Variants in RNF114 observed in about 807,000 individuals in gnomAD.
The protein encoded by RNF114 is E3 ubiquitin-protein ligase RNF114.
In RNF114, 6 loss-of-function variants were observed where a neutral mutation model predicts 28.4. The ratio of observed to expected loss-of-function variants is 0.21; its 90% CI spans 0.12 to 0.42. The LOEUF (loss-of-function observed/expected upper bound fraction) is 0.42, where lower values mean the gene tolerates loss of function less well. Ranked by LOEUF, RNF114 falls within the 10% of genes least tolerant of loss-of-function variation. The probability of loss-of-function intolerance (pLI) is 1.00; values close to 1 mark genes in which losing one functional copy is unlikely to be tolerated. For missense variants in RNF114, 249 were observed against 311.7 expected (o/e 0.80, Z 1.51); for synonymous variants, 115 against 116.7 (o/e 0.99, Z 0.09).
intron 3 of RNF114, 58 bp downstream of exon 3, chr20:49,945,546 G>GTTTGACACC: frequency 1.0e-6 from 1 of 1,001,196 alleles, no homozygotes; most frequent in South Asian, 1.3e-5. Context: ...ATACAAAGAG[G>GTTTGACACC]TTGCATGCCC....
intron 4 of RNF114, 54 bp from the exon 5 acceptor site, chr20:49,949,194 G>A: frequency 4.2e-6 from 6 of 1,437,190 alleles, no homozygotes; most frequent in Non-Finnish European, 5.9e-6. Context: ...GGCCACAGAG[G>A]GCTGGTGCAA....
At chr20:49,947,775 T>G (rs1219141742) in intron 4 of RNF114, among the ~76,000 whole-genome samples, 1 of 21,798 alleles carries the variant, frequency 4.6e-5, no homozygotes, top group African/African-American at 2.3e-4. Flanking sequence ...GCAAGTTTTT[T>G]TTTTTTTTTT....
chr20:49,941,957 G>A (rs1036852551), intron 2 of RNF114: 1 of 461,790 alleles, frequency 2.2e-6, no homozygotes, highest in African/African-American at 2.1e-5. Context: ...AGTTATCCCA[G>A]TTTTTTCCTA....
At chr20:49,941,768 C>A in intron 2 of RNF114, 57 bp downstream of exon 2, 2 of 1,568,436 alleles carry the variant, frequency 1.3e-6, no homozygotes, top group Non-Finnish European at 8.7e-7. Flanking sequence ...TGGGGTAAAA[C>A]GTACAGCTGC....
At chr20:49,945,946 G>A (rs1263727716) in intron 3 of RNF114, among the ~76,000 whole-genome samples, 190 bp from the exon 4 acceptor site, 4 of 152,166 alleles carry the variant, frequency 2.6e-5, no homozygotes, top group South Asian at 2.1e-4. Flanking sequence ...GATTACAGGC[G>A]TAAACCACCA....
In RNF114 at chr20:49,941,789, C is replaced by T. The variant is rs377559786; in HGVS notation, c.291+78C>T. Reference sequence around the variant, plus strand: ...AAAACGTACAGCTGCCATGTTGTTGCTGAAGTTAGAGCATGACTAGGTCAC... The same window carrying T: ...AAAACGTACAGCTGCCATGTTGTTGTTGAAGTTAGAGCATGACTAGGTCAC... On this transcript the variant is annotated intron_variant, in intron 2 of 5. Transcript: ENST00000244061. 4.0e-6 allele frequency: 6 copies of T among 1,516,638 alleles called. No individual in the cohort carries two copies. The African/African-American group carries it at 4.1e-5, about 10-fold the overall frequency. 93.9% of individuals were successfully genotyped at this position (1,516,638 alleles called of 1,614,324 possible).
At position 49,936,530 on chromosome 20, in the gene RNF114, G is replaced by T; in HGVS notation, c.118G>T (p.Val40Leu). ...PVCLEVYEKPVQVPCGHVFCS... is the reference protein window; with the variant it reads ...PVCLEVYEKPLQVPCGHVFCS... ...GTGCTTAGAGGTGTACGAGAAGCCG[G>T]TACAGGTGCCCTGCGGACACGTGTA... Residue 40 changes from valine (V) to leucine (L), a missense_variant, in exon 1 of 6, where the codon GTA becomes TTA. This residue lies in a region of RNF114 where 123 missense variants were observed against 106.4 expected (regional missense o/e 1.16). Coordinates refer to ENST00000244061, the MANE Select transcript of RNF114 (RefSeq NM_018683.4). 1 of 1,588,980 alleles carries T rather than the reference G, an allele frequency of 6.3e-7. No homozygotes were observed. The highest frequency in any genetic ancestry group is 2.3e-5 in the East Asian group (1 of 42,960).
intron 4 of RNF114, among the ~76,000 whole-genome samples, chr20:49,947,274 TTCTC>T (rs1248898369): frequency 1.4e-5 from 2 of 138,692 alleles, no homozygotes; most frequent in East Asian, 2.4e-4. Context: ...TGTGTTACCT[TTCTC>T]TCTCAATGTG....
At chr20:49,941,500 C>G (rs1568918826) in intron 1 of RNF114, 61 bp from the exon 2 acceptor site, 1 of 1,491,814 alleles carries the variant, frequency 6.7e-7, no homozygotes, top group Non-Finnish European at 9.0e-7. Flanking sequence ...AAAAGTTGAT[C>G]CATATTTGTC....
At chr20:49,945,141 A>T in intron 2 of RNF114, 1 of 416,182 alleles carries the variant, frequency 2.4e-6, no homozygotes, top group Non-Finnish European at 4.5e-6. Context: ...GCAAACCTCT[A>T]GGAGAGTTAT....
chr20:49,943,651 CTTTTTTTTTT>C (rs60425763), intron 2 of RNF114, among the ~76,000 whole-genome samples: 5 of 72,122 alleles, frequency 6.9e-5, no homozygotes, highest in East Asian at 5.0e-4. Context: ...CTACTGTCTT[CTTTTTTTTTT>C]TTTTTTTTTT....
intron 1 of RNF114, among the ~76,000 whole-genome samples, chr20:49,940,432 A>G (rs1352381191): frequency 3.4e-5 from 5 of 147,548 alleles, no homozygotes; most frequent in Non-Finnish European, 7.4e-5. Context: ...TTTTTTTGAG[A>G]CGGAGTCTCG....
intron 2 of RNF114, among the ~76,000 whole-genome samples, chr20:49,943,651 C>CTTTTTTTTTTTTT (rs60425763): frequency 1.4e-5 from 1 of 72,122 alleles, no homozygotes; most frequent in African/African-American, 5.9e-5. Flanking sequence ...CTACTGTCTT[C>CTTTTTTTTTTTTT]TTTTTTTTTT....
At chr20:49,947,461 G>A (rs1371293534) in intron 4 of RNF114, among the ~76,000 whole-genome samples, 1 of 152,044 alleles carries the variant, frequency 6.6e-6, no homozygotes, top group Non-Finnish European at 1.5e-5. Flanking sequence ...ATGAGCTTTT[G>A]TGAGAGTACT....
rs1275083813 is a variant in RNF114, at chr20:49,949,976, G to T, written c.621+621G>T. ...CATTTAAGAAGATGATCTGGGCTGG[G>T]CGCAGTGGCTCACACCTGTAATCCC... On this transcript the variant is annotated intron_variant, in intron 5 of 5. Coordinates refer to ENST00000244061, the MANE Select transcript of RNF114 (RefSeq NM_018683.4). Among the ~76,000 whole-genome samples the T allele has an allele frequency of 2.0e-5, 3 of 150,928 alleles. No homozygotes were observed. The South Asian group carries it at 6.4e-4, about 32-fold the overall frequency.
chr20:49,946,410 A>G (rs955389850), intron 4 of RNF114, among the ~76,000 whole-genome samples, 160 bp downstream of exon 4: 2 of 152,142 alleles, frequency 1.3e-5, no homozygotes, highest in African/African-American at 4.8e-5. Context: ...TCTATAGTAC[A>G]CATTTTTTGC....
At position 49,952,325 on chromosome 20, in the gene RNF114, C is replaced by T. The variant is rs2090358217; in HGVS notation, c.*184C>T. 2 of 594,732 alleles carry T rather than the reference C, an allele frequency of 3.4e-6. No individual in the cohort carries two copies. Among genetic ancestry groups the T allele is most frequent in the Non-Finnish European group, 6.1e-6 (2 of 326,206 alleles). The allele number at this position is 594,732 out of a possible 1,614,324, so 36.8% of individuals were successfully genotyped here. On this transcript the variant is annotated 3_prime_UTR_variant, in exon 6 of 6. Coordinates refer to ENST00000244061, the MANE Select transcript of RNF114 (RefSeq NM_018683.4). Reference sequence around the variant, plus strand: ...TCAGCCCTTCTCTTCCCTTTGGGCTCTTGCCAAAGCTGTCTTCCCCTACTG... The same window carrying T: ...TCAGCCCTTCTCTTCCCTTTGGGCTTTTGCCAAAGCTGTCTTCCCCTACTG...
At chr20:49,950,566 A>G (rs1331832476) in intron 5 of RNF114, among the ~76,000 whole-genome samples, 1 of 151,428 alleles carries the variant, frequency 6.6e-6, no homozygotes, top group Non-Finnish European at 1.5e-5. Context: ...CTGTAGTCCT[A>G]GCTACTTTGA....
chr20:49,950,247 TCAAAA>T (rs1463669863), intron 5 of RNF114, among the ~76,000 whole-genome samples: 2 of 151,256 alleles, frequency 1.3e-5, no homozygotes, highest in African/African-American at 2.4e-5. Flanking sequence ...CAAGACTGTC[TCAAAA>T]CAAACAAGAA....
Sources: gnomAD v4.1 joint callset for allele counts (sites outside exome capture counted in the v4.1 genomes callset) on GRCh38, gnomAD v4.1.1 for gene constraint, gnomAD v4.1.1 regional missense constraint, MANE v1.5 for transcripts, NCBI Gene and HGNC (gene_info 2026-07-23, HGNC 2026-07-21) for gene names.